The following EPHA6 variants were observed in gnomAD, a reference collection of about 807,000 sequenced individuals.
EPHA6 encodes the protein ephrin type-A receptor 6.
EPHA6 carries 50 observed loss-of-function variants against 112.0 expected under a neutral mutation model. The observed-to-expected ratio is 0.45, with a 90% CI of 0.36 to 0.56. EPHA6 has a LOEUF of 0.56. Among genes scored for constraint, EPHA6 ranks in the 20% least tolerant of loss-of-function variants. The pLI is 0.00. For synonymous variants in EPHA6, 529 were observed against 490.7 expected (o/e 1.08, Z -1.03); for missense variants, 1,280 against 1,417.4 (o/e 0.90, Z 1.56).
At chr3:97,399,192 A>G (rs2086850173) in intron 5 of EPHA6, among the ~76,000 whole-genome samples, 1 of 151,598 alleles carries the variant, frequency 6.6e-6, no homozygotes, top group Admixed American at 6.6e-5. Flanking sequence ...GAGAACATGC[A>G]GTACTTATCT....
chr3:97,471,512 A>T (rs1054130317), intron 7 of EPHA6, among the ~76,000 whole-genome samples: 3 of 151,690 alleles, frequency 2.0e-5, no homozygotes, highest in Admixed American at 1.3e-4. Context: ...CCTTAGACTC[A>T]TATTTCTGAG....
At chr3:97,025,184 G>T (rs1231461571) in intron 3 of EPHA6, among the ~76,000 whole-genome samples, 1 of 152,188 alleles carries the variant, frequency 6.6e-6, no homozygotes, top group Non-Finnish European at 1.5e-5. Flanking sequence ...GTACATAGGA[G>T]ATTTAGTAAA....
chr3:97,745,202 A>G (rs1233423914), intron 16 of EPHA6, among the ~76,000 whole-genome samples: 1 of 151,956 alleles, frequency 6.6e-6, no homozygotes, highest in African/African-American at 2.4e-5. Context: ...GAAGACCTTT[A>G]TTATTTTGTA....
chr3:97,628,497 A>G (rs933315019), intron 13 of EPHA6, among the ~76,000 whole-genome samples: 1 of 151,924 alleles, frequency 6.6e-6, no homozygotes, highest in African/African-American at 2.4e-5. Flanking sequence ...GAGTCATAAA[A>G]TTGTCTGTTA....
intron 7 of EPHA6, among the ~76,000 whole-genome samples, chr3:97,468,162 T>A (rs1461014872): frequency 1.3e-5 from 2 of 150,344 alleles, no homozygotes. Context: ...AAAAGTATGA[T>A]CCCTGCTAAG....
intron 14 of EPHA6, among the ~76,000 whole-genome samples, chr3:97,695,173 C>T (rs2032950490): frequency 6.6e-6 from 1 of 152,164 alleles, no homozygotes; most frequent in East Asian, 1.9e-4. Context: ...GAGTGAATAT[C>T]TGATTTTGTA....
chr3:97,308,392 G>T lies in EPHA6; in HGVS notation c.1606+64105G>T, dbSNP rs140177218. On this transcript the variant is annotated intron_variant, in intron 5 of 17. Transcript: ENST00000389672. ...AGCAAGCAAGTTTCTCTGAAATTTT[G>T]CCTTTCTATCTCTGTAGACAAATCC... Among the ~76,000 whole-genome samples, 562 of 151,756 alleles carry T rather than the reference G, an allele frequency of 3.7e-3. 1 individual carries two copies. The highest frequency in any genetic ancestry group is 0.012 in the African/African-American group (518 of 41,482).
chr3:97,108,288 T>A (rs75298954), intron 3 of EPHA6, among the ~76,000 whole-genome samples: 1,922 of 152,268 alleles, frequency 0.013, 36 homozygotes, highest in African/African-American at 0.045. Context: ...ACCAACTGGA[T>A]AGCAAGTGTT....
intron 13 of EPHA6, among the ~76,000 whole-genome samples, chr3:97,630,376 G>T (rs2093892630): frequency 1.3e-5 from 2 of 151,696 alleles, no homozygotes; most frequent in South Asian, 4.2e-4. Flanking sequence ...TTATTTATTT[G>T]GTGGTTATTT....
intron 3 of EPHA6, among the ~76,000 whole-genome samples, chr3:97,190,239 T>C (rs114404876): frequency 0.015 from 2,307 of 152,242 alleles, 73 homozygotes; most frequent in African/African-American, 0.053. Flanking sequence ...TCAAAATTCA[T>C]TGGCCTGACT....
At chr3:97,481,117 A>G (rs1682847669) in intron 9 of EPHA6, 1 of 593,774 alleles carries the variant, frequency 1.7e-6, no homozygotes, top group South Asian at 1.5e-5. Context: ...TGGGAGGCCA[A>G]GGCAGGTGGC....
At chr3:97,355,428 G>T (rs909176996) in intron 5 of EPHA6, among the ~76,000 whole-genome samples, 1 of 152,114 alleles carries the variant, frequency 6.6e-6, no homozygotes, top group Non-Finnish European at 1.5e-5. Flanking sequence ...CCATTTGTTT[G>T]TTTTGGCAAT....
intron 3 of EPHA6, among the ~76,000 whole-genome samples, chr3:97,044,902 A>G (rs571024323): frequency 6.6e-6 from 1 of 152,226 alleles, no homozygotes; most frequent in East Asian, 1.9e-4. Flanking sequence ...GATAAATACA[A>G]AGAACTTTGT....
At chr3:97,207,182 C>G (rs1180761070) in intron 3 of EPHA6, among the ~76,000 whole-genome samples, 2 of 151,964 alleles carry the variant, frequency 1.3e-5, no homozygotes, top group Non-Finnish European at 2.9e-5. Flanking sequence ...TCAAAAAAAG[C>G]TGTATCAGAA....
intron 9 of EPHA6, chr3:97,481,532 C>G (rs866458771): frequency 3.5e-6 from 3 of 853,216 alleles, no homozygotes; most frequent in Non-Finnish European, 5.9e-6. Context: ...AGTGCAGGCC[C>G]GGGGGTCCCT....
At chr3:96,880,090 C>T (rs901415823) in intron 2 of EPHA6, among the ~76,000 whole-genome samples, 3 of 151,360 alleles carry the variant, frequency 2.0e-5, no homozygotes, top group East Asian at 1.9e-4. Context: ...ACCTATACTC[C>T]GAAAGCTATT....
chr3:96,936,879 G>A (rs1389603204), intron 2 of EPHA6, among the ~76,000 whole-genome samples: 2 of 152,034 alleles, frequency 1.3e-5, no homozygotes, highest in African/African-American at 4.8e-5. Flanking sequence ...TTGTCCTTGC[G>A]ATAGTTTGCT....
At chr3:96,899,810 G>T (rs955556523) in intron 2 of EPHA6, among the ~76,000 whole-genome samples, 1 of 152,068 alleles carries the variant, frequency 6.6e-6, no homozygotes, top group Non-Finnish European at 1.5e-5. Flanking sequence ...ACACAGAGAA[G>T]AATAAAAACA....
chr3:97,196,512 C>T (rs1178597809), intron 3 of EPHA6, among the ~76,000 whole-genome samples: 3 of 151,972 alleles, frequency 2.0e-5, no homozygotes, highest in Admixed American at 6.6e-5. Context: ...TTTGTGAGGT[C>T]ATGTTTTCCC....
Sources: allele counts gnomAD v4.1 joint callset (sites outside exome capture counted in the v4.1 genomes callset), GRCh38; gene constraint gnomAD v4.1.1; transcripts MANE v1.5; gene names NCBI Gene and HGNC (gene_info 2026-07-23, HGNC 2026-07-21).